F13A1: variants seen among roughly 807,000 people sequenced by gnomAD.
The protein encoded by F13A1 is coagulation factor XIII A chain, also known as FSF, A subunit.
F13A1 carries 47 observed loss-of-function variants against 80.1 expected under a neutral mutation model. The observed-to-expected ratio is 0.59, with a 90% CI of 0.46 to 0.75. The LOEUF is 0.75. Ranked by LOEUF, F13A1 falls within the 30% of genes least tolerant of loss-of-function variation. The probability of loss-of-function intolerance (pLI) is 0.00; values close to 1 mark genes in which losing one functional copy is unlikely to be tolerated. For synonymous variants in F13A1, 349 were observed against 344.9 expected (o/e 1.01, Z -0.13); for missense variants, 817 against 930.4 (o/e 0.88, Z 1.59).
Position 6,260,177 on chromosome 6 carries a change from C to T in F13A1, c.571+6381G>A, listed in dbSNP as rs141915572. The stretch of plus-strand genomic sequence containing the variant: ...AAACTAAGCAAGCAATTATTCTCCC[C>T]GCATGCACCCCTGCCTTCACTGATG... On this transcript the variant is annotated intron_variant, in intron 4 of 14. Transcript: ENST00000264870. 4.2e-3 allele frequency among the ~76,000 whole-genome samples: 632 copies of T among 152,256 alleles called. 6 individuals carry two copies. The highest frequency in any genetic ancestry group is 0.014 in the African/African-American group (571 of 41,548).
chr6:6,246,062 T>C (rs989690772), intron 6 of F13A1, among the ~76,000 whole-genome samples: 2 of 152,220 alleles, frequency 1.3e-5, no homozygotes, highest in Non-Finnish European at 2.9e-5. Flanking sequence ...AGTCCACAAC[T>C]TCAGAACATT....
chr6:6,258,082 C>T (rs1757726362), intron 4 of F13A1, among the ~76,000 whole-genome samples: 1 of 151,966 alleles, frequency 6.6e-6, no homozygotes, highest in African/African-American at 2.4e-5. Flanking sequence ...AGAATCTTCT[C>T]GGCTGGCCAT....
At chr6:6,175,902 G>A (rs971914566) in intron 11 of F13A1, among the ~76,000 whole-genome samples, 1 of 152,244 alleles carries the variant, frequency 6.6e-6, no homozygotes, top group Non-Finnish European at 1.5e-5. Context: ...TAAGTGATGA[G>A]GCAGAAAATA....
At chr6:6,205,061 G>C (rs1192211503) in intron 8 of F13A1, among the ~76,000 whole-genome samples, 1 of 152,230 alleles carries the variant, frequency 6.6e-6, no homozygotes, top group East Asian at 1.9e-4. Flanking sequence ...TAAATGGAGG[G>C]CGCCATGGGC....
intron 10 of F13A1, among the ~76,000 whole-genome samples, chr6:6,184,883 G>A (rs967365432): frequency 6.6e-6 from 1 of 152,146 alleles, no homozygotes; most frequent in Admixed American, 6.5e-5. Context: ...GGGGTGGGAT[G>A]TGGAGGGAAA....
At chr6:6,245,025 C>T (rs1322911975) in intron 6 of F13A1, among the ~76,000 whole-genome samples, 2 of 152,046 alleles carry the variant, frequency 1.3e-5, no homozygotes, top group Non-Finnish European at 2.9e-5. Flanking sequence ...GTGATTTTTA[C>T]CCCCAGTAGA....
At chr6:6,304,530 C>T (rs1758482968) in intron 3 of F13A1, among the ~76,000 whole-genome samples, 1 of 152,020 alleles carries the variant, frequency 6.6e-6, no homozygotes, top group South Asian at 2.1e-4. Context: ...TGGTCCTTCC[C>T]CAGACCTTTG....
chr6:6,151,284 A>C (rs1247140862), intron 14 of F13A1, among the ~76,000 whole-genome samples: 1 of 151,916 alleles, frequency 6.6e-6, no homozygotes, highest in African/African-American at 2.4e-5. Context: ...CTAAAAAAAA[A>C]CCTGAATCCA....
At chr6:6,229,285 A>C (rs1232680811) in intron 6 of F13A1, among the ~76,000 whole-genome samples, 1 of 152,192 alleles carries the variant, frequency 6.6e-6, no homozygotes, top group African/African-American at 2.4e-5. Flanking sequence ...AAGGAGCATA[A>C]GTCATTTTTC....
intron 13 of F13A1, 68 bp from the exon 14 acceptor site, chr6:6,152,017 A>G: frequency 1.3e-6 from 2 of 1,587,526 alleles, no homozygotes; most frequent in Non-Finnish European, 1.7e-6. Flanking sequence ...TGTCTTAACC[A>G]TCATCACTTT....
chr6:6,300,427 C>T (rs939924133), intron 3 of F13A1, among the ~76,000 whole-genome samples: 2 of 151,704 alleles, frequency 1.3e-5, no homozygotes, highest in Admixed American at 6.6e-5. Context: ...GATCCAGGTG[C>T]GGGATATAAT....
At chr6:6,264,536 A>T (rs954790019) in intron 4 of F13A1, among the ~76,000 whole-genome samples, 2 of 152,144 alleles carry the variant, frequency 1.3e-5, no homozygotes, top group African/African-American at 4.8e-5. Context: ...TGAAGGCTAG[A>T]TACTATATCC....
chr6:6,215,285 A>G (rs929838258), intron 8 of F13A1, among the ~76,000 whole-genome samples: 2 of 125,976 alleles, frequency 1.6e-5, no homozygotes, highest in Non-Finnish European at 1.8e-5. Context: ...TCCTCAATAA[A>G]ATACTGGCAA....
chr6:6,146,150 G>T (rs141126401), intron 14 of F13A1, among the ~76,000 whole-genome samples: 1 of 152,210 alleles, frequency 6.6e-6, no homozygotes, highest in African/African-American at 2.4e-5. Context: ...CTCAGTTTTT[G>T]CCACTAGTTT....
intron 7 of F13A1, among the ~76,000 whole-genome samples, chr6:6,222,817 C>T (rs1757215468): frequency 1.3e-5 from 2 of 152,150 alleles, no homozygotes; most frequent in Admixed American, 6.6e-5. Flanking sequence ...TTTTCTCCTT[C>T]AGAATAGTTT....
In F13A1 at chr6:6,222,265, C is replaced by T. The variant is rs974221964; in HGVS notation, c.974-94G>A. On this transcript the variant is annotated intron_variant, in intron 7 of 14. Coordinates refer to ENST00000264870, the MANE Select transcript of F13A1 (RefSeq NM_000129.4). ...TTCTTGTAGGGGACTTTCTTCCTGA[C>T]CCAACATGAAAAGCCCTTTGGACAT... 3.9e-6 allele frequency: 6 copies of T among 1,534,336 alleles called. No homozygotes were observed. The African/African-American group carries it at 8.2e-5, about 21-fold the overall frequency.
Position 6,259,235 on chromosome 6 carries a change from A to G in F13A1, c.571+7323T>C, listed in dbSNP as rs74824866. On this transcript the variant is annotated intron_variant, in intron 4 of 14. Coordinates refer to ENST00000264870, the MANE Select transcript of F13A1 (RefSeq NM_000129.4). ...GCGTAAATGCTGGTCTGGGCTCAAG[A>G]GTCTCCAAGAGAAGGAATGTGGGTC... Among the ~76,000 whole-genome samples, 372 of 152,314 alleles carry G rather than the reference A, an allele frequency of 2.4e-3. 2 individuals carry two copies. The highest frequency in any genetic ancestry group is 8.7e-3 in the African/African-American group (362 of 41,564).
At position 6,248,356 on chromosome 6, in the gene F13A1, CAG is replaced by C; in HGVS notation, c.752_753del (p.Ser251TrpfsTer21). 6.2e-7 allele frequency: 1 copy of C among 1,613,904 alleles called. No individual in the cohort carries two copies. The highest frequency in any genetic ancestry group is 8.5e-7 in the Non-Finnish European group (1 of 1,179,878). On this transcript the variant is annotated frameshift_variant, in exon 6 of 15. Coordinates refer to ENST00000264870, the MANE Select transcript of F13A1 (RefSeq NM_000129.4). LOFTEE classifies it high-confidence loss of function. ...YVMDRAQMDL[S>X]GRGNPIKVSR... Reference sequence around the variant, plus strand: ...CTGACTTTGATGGGATTCCCTCTTCCAGAGAGGTCCATTTGTGCTCTGTCCAT... The same window carrying C: ...CTGACTTTGATGGGATTCCCTCTTCCAGAGGTCCATTTGTGCTCTGTCCAT...
At chr6:6,160,997 C>T (rs1430400250) in intron 13 of F13A1, among the ~76,000 whole-genome samples, 2 of 152,208 alleles carry the variant, frequency 1.3e-5, no homozygotes, top group Admixed American at 1.3e-4. Flanking sequence ...TTGGTGCTTC[C>T]TGACATCCTG....
Sources: allele counts gnomAD v4.1 joint callset (sites outside exome capture counted in the v4.1 genomes callset), GRCh38; gene constraint gnomAD v4.1.1; transcripts MANE v1.5; gene names NCBI Gene and HGNC (gene_info 2026-07-23, HGNC 2026-07-21).